Variants in PMFBP1 observed in about 807,000 individuals in gnomAD.
The protein encoded by PMFBP1 is polyamine modulated factor 1 binding protein 1.
A neutral mutation model predicts 137.8 loss-of-function variants in PMFBP1; 131 were observed. The observed-to-expected ratio is 0.95, with a 90% CI of 0.82 to 1.10. The LOEUF is 1.10. Ranked by LOEUF, PMFBP1 falls within the 50% of genes least tolerant of loss-of-function variation. PMFBP1 has a pLI of 0.00. For missense variants in PMFBP1, 1,199 were observed against 1,175.4 expected (o/e 1.02, Z -0.29); for synonymous variants, 490 against 450.4 (o/e 1.09, Z -1.11).
intron 19 of PMFBP1, 21 bp downstream of exon 19, chr16:72,122,893 G>A: frequency 1.2e-6 from 2 of 1,606,832 alleles, no homozygotes; most frequent in Non-Finnish European, 1.7e-6. Context: ...GAAGCAGCCA[G>A]GGTGGTTTAA....
At chr16:72,207,323 T>C in the PMFBP1 span, among the ~76,000 whole-genome samples, 1 of 151,990 alleles carries the variant, frequency 6.6e-6, no homozygotes, top group Non-Finnish European at 1.5e-5. Context: ...TGTGATTAAT[T>C]GGATCCTGGG....
At chr16:72,153,208 T>C (rs372153306) in intron 4 of PMFBP1, among the ~76,000 whole-genome samples, 52 of 152,338 alleles carry the variant, frequency 3.4e-4, no homozygotes, top group African/African-American at 1.2e-3. Context: ...GGCTAAGTCA[T>C]AGATTATATT....
the PMFBP1 span, among the ~76,000 whole-genome samples, chr16:72,187,136 A>T: frequency 5.3e-5 from 8 of 152,016 alleles, no homozygotes; most frequent in African/African-American, 1.9e-4. Flanking sequence ...ATAAATAAAA[A>T]AATAATAAAA....
chr16:72,150,707 GT>G lies in PMFBP1; in HGVS notation c.536del (p.Asn179ThrfsTer11). 1 of 1,614,138 alleles carries G rather than the reference GT, an allele frequency of 6.2e-7. No homozygotes were observed. The highest frequency in any genetic ancestry group is 1.1e-5 in the South Asian group (1 of 91,088). ...AAGACTGGTATTTATCCCTGTAGAG[GT>G]TTAAGCTCCTCTCTAGAGAGGCGAT... Reference protein sequence around the residue: ...DKIASLERSLNLYRDKYQSSL... With the variant: ...DKIASLERSLXLYRDKYQSSL... On this transcript the variant is annotated frameshift_variant, in exon 5 of 21. Transcript: ENST00000237353. LOFTEE classifies it high-confidence loss of function.
the PMFBP1 span, among the ~76,000 whole-genome samples, chr16:72,212,500 GGAA>G: frequency 1.4e-5 from 2 of 145,266 alleles, no homozygotes; most frequent in Non-Finnish European, 3.0e-5. Context: ...AAAAAAAAAA[GGAA>G]GAAGATGTGA....
At chr16:72,212,821 T>C in the PMFBP1 span, among the ~76,000 whole-genome samples, 1 of 152,116 alleles carries the variant, frequency 6.6e-6, no homozygotes, top group Non-Finnish European at 1.5e-5. Context: ...ATCCTGAAAG[T>C]TTCCAGCGGG....
At chr16:72,118,578 T>C (rs1286427181), downstream of PMFBP1, among the ~76,000 whole-genome samples, 2 of 152,226 alleles carry the variant, frequency 1.3e-5, no homozygotes, top group Non-Finnish European at 2.9e-5. Flanking sequence ...TAGTGAGTTG[T>C]CTCCACTTCC....
the PMFBP1 span, among the ~76,000 whole-genome samples, chr16:72,207,268 A>G: frequency 1.3e-5 from 2 of 152,126 alleles, no homozygotes; most frequent in Admixed American, 6.6e-5. Context: ...GAGGGAATGA[A>G]AAGATGGTGA....
intron 3 of PMFBP1, among the ~76,000 whole-genome samples, chr16:72,158,961 C>A (rs533824580): frequency 6.6e-6 from 1 of 152,234 alleles, no homozygotes; most frequent in African/African-American, 2.4e-5. Context: ...CACCACTGCA[C>A]CCCAGCCTGG....
the PMFBP1 span, among the ~76,000 whole-genome samples, chr16:72,197,345 T>G: frequency 2.0e-5 from 3 of 152,200 alleles, no homozygotes; most frequent in African/African-American, 7.2e-5. Flanking sequence ...GAGGCCTTGT[T>G]AGCAACCCTG....
chr16:72,212,846 A>C, the PMFBP1 span, among the ~76,000 whole-genome samples: 1 of 152,254 alleles, frequency 6.6e-6, no homozygotes, highest in Non-Finnish European at 1.5e-5. Context: ...AAAACAGGTC[A>C]CTTACAGTCG....
At chr16:72,185,027 CTTT>C in the PMFBP1 span, among the ~76,000 whole-genome samples, 3 of 143,934 alleles carry the variant, frequency 2.1e-5, no homozygotes, top group East Asian at 2.0e-4. Context: ...GTCCTGTTTT[CTTT>C]TTTTTTTTTT....
intron 6 of PMFBP1, among the ~76,000 whole-genome samples, chr16:72,139,892 AC>A (rs752513578): frequency 6.6e-6 from 1 of 151,954 alleles, no homozygotes; most frequent in Non-Finnish European, 1.5e-5. Context: ...GAAAAGTGAA[AC>A]CCCCTCTTCA....
chr16:72,132,795 T>A lies in PMFBP1; in HGVS notation c.1400A>T (p.Lys467Met), dbSNP rs778206575. 8 of 1,614,102 alleles carry A rather than the reference T, an allele frequency of 5.0e-6. No homozygotes were observed. Among genetic ancestry groups the A allele is most frequent in the Non-Finnish European group, 6.8e-6 (8 of 1,180,042 alleles). ...ECKALQAEVQ[K>M]LKNSLEEAKQ... is the part of the protein sequence containing the mutation. Reference sequence around the variant, plus strand: ...GGCCTCTTCGAGACTGTTCTTCAGCTTCTGGACCTCAGCCTGCAGGGCCTT... The same window carrying A: ...GGCCTCTTCGAGACTGTTCTTCAGCATCTGGACCTCAGCCTGCAGGGCCTT... The change falls in exon 10 of 21, where the codon AAG (lysine) becomes ATG (methionine). Residue 467 changes from lysine to methionine, a missense_variant. Lys to Met is a moderately conservative substitution (Grantham distance 95, BLOSUM62 -1). Coordinates refer to ENST00000237353, the MANE Select transcript of PMFBP1 (RefSeq NM_031293.3).
the PMFBP1 span, among the ~76,000 whole-genome samples, chr16:72,202,016 C>T: frequency 6.6e-6 from 1 of 152,182 alleles, no homozygotes; most frequent in Admixed American, 6.5e-5. Flanking sequence ...TTATTCATGT[C>T]CTATCATCAT....
the PMFBP1 span, among the ~76,000 whole-genome samples, chr16:72,190,867 C>T: frequency 1.7e-4 from 26 of 152,246 alleles, 2 homozygotes; most frequent in South Asian, 5.2e-3. Context: ...CATCTTAGAT[C>T]GTGAGGACTT....
At chr16:72,179,121 C>A (rs2043268071), upstream of PMFBP1, among the ~76,000 whole-genome samples, 1 of 152,092 alleles carries the variant, frequency 6.6e-6, no homozygotes, top group South Asian at 2.1e-4. Flanking sequence ...AAGGGCTCAA[C>A]AAAAAAGTCA....
chr16:72,181,313 A>C (rs1361943201), upstream of PMFBP1, among the ~76,000 whole-genome samples: 1 of 151,976 alleles, frequency 6.6e-6, no homozygotes, highest in African/African-American at 2.4e-5. Context: ...ATCACAGAAG[A>C]GCATTTTATT....
At chr16:72,205,819 A>T in the PMFBP1 span, among the ~76,000 whole-genome samples, 1 of 152,134 alleles carries the variant, frequency 6.6e-6, no homozygotes, top group Non-Finnish European at 1.5e-5. Context: ...AGCCCTGCCC[A>T]TCACCCTTGA....
Sources: allele counts gnomAD v4.1 joint callset (sites outside exome capture counted in the v4.1 genomes callset), GRCh38; gene constraint gnomAD v4.1.1; transcripts MANE v1.5; gene names NCBI Gene and HGNC (gene_info 2026-07-23, HGNC 2026-07-21).